PPIP5K2: variants seen among roughly 807,000 people sequenced by gnomAD.
PPIP5K2 encodes inositol hexakisphosphate and diphosphoinositol-pentakisphosphate kinase 2.
In PPIP5K2, 105 loss-of-function variants were observed where a neutral mutation model predicts 154.6. The ratio of observed to expected loss-of-function variants is 0.68; its 90% CI spans 0.58 to 0.80. The LOEUF is 0.80. PPIP5K2 is among the 30% of genes least tolerant of loss of function. PPIP5K2 has a pLI of 0.00. For missense variants in PPIP5K2, 992 were observed against 1,504.6 expected (o/e 0.66, Z 5.64); for synonymous variants, 480 against 490.3 (o/e 0.98, Z 0.28).
chr5:103,158,901 C>T (rs537940457), intron 16 of PPIP5K2, among the ~76,000 whole-genome samples: 10 of 152,084 alleles, frequency 6.6e-5, no homozygotes, highest in African/African-American at 2.4e-4. Context: ...TGCACTCTAC[C>T]GCAGGCAACA....
intron 26 of PPIP5K2, 33 bp from the exon 27 acceptor site, chr5:103,186,287 C>G (rs782010278): frequency 1.2e-6 from 2 of 1,612,438 alleles, no homozygotes; most frequent in Non-Finnish European, 1.7e-6. Flanking sequence ...GAAGAACACC[C>G]GTTGTGTATG....
At chr5:103,154,644 T>TAACA in intron 11 of PPIP5K2, 26 bp from the exon 12 acceptor site, 1 of 1,336,748 alleles carries the variant, frequency 7.5e-7, no homozygotes, top group Non-Finnish European at 1.0e-6. Context: ...TGCAAGTGAC[T>TAACA]AACAGTGTTC....
At chr5:103,160,957 C>A (rs1231731460) in intron 17 of PPIP5K2, among the ~76,000 whole-genome samples, 1 of 138,936 alleles carries the variant, frequency 7.2e-6, no homozygotes, top group African/African-American at 2.6e-5. Context: ...TCTTTTCATT[C>A]TTTTTTTTTT....
At chr5:103,174,850 A>G (rs1554220505) in intron 21 of PPIP5K2, among the ~76,000 whole-genome samples, 1 of 152,104 alleles carries the variant, frequency 6.6e-6, no homozygotes, top group Non-Finnish European at 1.5e-5. Flanking sequence ...TATGTCAGCC[A>G]TCTTTGGAAA....
intron 5 of PPIP5K2, among the ~76,000 whole-genome samples, chr5:103,140,978 G>C (rs965017740): frequency 1.1e-4 from 17 of 152,004 alleles, no homozygotes; most frequent in Admixed American, 7.2e-4. Context: ...AGATCTTACA[G>C]ATCTTTTACA....
At position 103,120,452 on chromosome 5, in the gene PPIP5K2, C is replaced by T; in HGVS notation, c.-321C>T. The T allele has an allele frequency of 2.2e-6, 1 of 456,788 alleles. No homozygotes were observed. Among genetic ancestry groups the T allele is most frequent in the South Asian group, 1.5e-5 (1 of 64,576 alleles). 28.3% of individuals were successfully genotyped at this position (456,788 alleles called of 1,614,324 possible). The stretch of plus-strand genomic sequence containing the variant: ...CCTAGACCTGAATGGGCTTGACCAT[C>T]TCACAACTGCTCGCGTGACGACCGC... On this transcript the variant is annotated 5_prime_UTR_variant, in exon 1 of 31. Transcript: ENST00000358359.
chr5:103,189,080 C>A (rs1800827560), intron 28 of PPIP5K2: 2 of 977,366 alleles, frequency 2.0e-6, no homozygotes, highest in South Asian at 1.5e-5. Flanking sequence ...CATGGACTTA[C>A]CCCTCCCTTC....
At position 103,172,632 on chromosome 5, in the gene PPIP5K2, C is replaced by T. The variant is rs79561973; in HGVS notation, c.2287-523C>T. On this transcript the variant is annotated intron_variant, in intron 19 of 30. Coordinates refer to ENST00000358359, the MANE Select transcript of PPIP5K2 (RefSeq NM_001276277.3). ...TAATTCCTTACAAATCCAATTAACT[C>T]ATAATGATTATGTCATTAAATTTGA... is the stretch of plus-strand genomic sequence containing the variant. Among the ~76,000 whole-genome samples, 827 of 151,710 alleles carry T rather than the reference C, an allele frequency of 5.5e-3. 7 individuals are homozygous for T. The highest frequency in any genetic ancestry group is 0.018 in the African/African-American group (737 of 41,482).
rs1236648325 is a variant in PPIP5K2 at position 103,202,922 on chromosome 5, T to C, written c.*1288T>C. ...TATTGTAATTCTTCAAATGAGACTC[T>C]TCTCACCTTAAATAGTCATATATTA... On this transcript the variant is annotated 3_prime_UTR_variant, in exon 31 of 31. Coordinates refer to ENST00000358359, the MANE Select transcript of PPIP5K2 (RefSeq NM_001276277.3). The C allele has an allele frequency of 6.6e-6, 1 of 152,570 alleles. No individual in the cohort carries two copies. The highest frequency in any genetic ancestry group is 1.9e-4 in the East Asian group (1 of 5,206). The allele number at this position is 152,570 out of a possible 1,614,324, so 9.5% of individuals were successfully genotyped here. A position where few individuals can be genotyped will look rare whatever the true frequency, so the allele number is the denominator to read the frequency against.
At chr5:103,174,335 A>G (rs1798394815) in intron 21 of PPIP5K2, 1 of 164,670 alleles carries the variant, frequency 6.1e-6, no homozygotes, top group Non-Finnish European at 1.3e-5. Flanking sequence ...ACTATTATCT[A>G]CTATTACGTA....
At chr5:103,149,417 A>C (rs1794253104) in intron 8 of PPIP5K2, 104 bp downstream of exon 8, 3 of 1,075,800 alleles carry the variant, frequency 2.8e-6, no homozygotes, top group Non-Finnish European at 4.0e-6. Context: ...TAAACCGAGA[A>C]AGTAATTAAT....
intron 14 of PPIP5K2, among the ~76,000 whole-genome samples, chr5:103,157,126 G>A (rs184324501): frequency 7.4e-4 from 112 of 152,034 alleles, no homozygotes; most frequent in African/African-American, 2.5e-3. Context: ...GCAGGGGAAG[G>A]GGTGATTTCC....
Position 103,151,352 on chromosome 5 carries a change from G to C in PPIP5K2, c.1006G>C (p.Asp336His). 1 of 1,608,252 alleles carries C rather than the reference G, an allele frequency of 6.2e-7. No individual in the cohort carries two copies. Among genetic ancestry groups the C allele is most frequent in the East Asian group, 2.2e-5 (1 of 44,698 alleles). The change falls in exon 9 of 31, where the codon GAT (aspartate) becomes CAT (histidine). Residue 336 changes from aspartate (D) to histidine (H), a missense_variant. Coordinates refer to ENST00000358359, the MANE Select transcript of PPIP5K2 (RefSeq NM_001276277.3). The stretch of plus-strand genomic sequence containing the variant: ...TGTGAAAAATTCCATGAAGTATTAT[G>C]ATGACTGTGCAAAAATACTTGGGTA... ...SFVKNSMKYY[D>H]DCAKILGNIV...
At chr5:103,126,636 G>A (rs544915560) in intron 1 of PPIP5K2, among the ~76,000 whole-genome samples, 90 of 152,184 alleles carry the variant, frequency 5.9e-4, no homozygotes, top group African/African-American at 2.0e-3. Flanking sequence ...AAGCCAATCC[G>A]AGTCCCAAAG....
intron 1 of PPIP5K2, among the ~76,000 whole-genome samples, chr5:103,124,235 G>A (rs948823046): frequency 1.4e-5 from 2 of 147,826 alleles, no homozygotes; most frequent in Non-Finnish European, 3.0e-5. Context: ...AGCCGAGATC[G>A]TGCCACTGCA....
chr5:103,139,056 C>T (rs1413386155), intron 5 of PPIP5K2, among the ~76,000 whole-genome samples: 1 of 152,182 alleles, frequency 6.6e-6, no homozygotes, highest in African/African-American at 2.4e-5. Context: ...TGGAACCAGT[C>T]ACCGCGTATG....
At chr5:103,162,555 G>T (rs1554216304) in intron 17 of PPIP5K2, among the ~76,000 whole-genome samples, 3 of 151,760 alleles carry the variant, frequency 2.0e-5, no homozygotes, top group African/African-American at 7.3e-5. Flanking sequence ...TAGAGACTGG[G>T]TCTCACTGTG....
At chr5:103,124,439 G>T (rs1277541225) in intron 1 of PPIP5K2, among the ~76,000 whole-genome samples, 1 of 152,028 alleles carries the variant, frequency 6.6e-6, no homozygotes, top group Non-Finnish European at 1.5e-5. Flanking sequence ...TTAGTATAAT[G>T]GCCTTTGGTT....
chr5:103,135,001 C>T (rs1791234386), intron 3 of PPIP5K2, among the ~76,000 whole-genome samples: 1 of 152,140 alleles, frequency 6.6e-6, no homozygotes, highest in South Asian at 2.1e-4. Flanking sequence ...TGTTTTAATA[C>T]TTTTTCTCTT....
Sources: gnomAD v4.1 joint callset for allele counts (sites outside exome capture counted in the v4.1 genomes callset) on GRCh38, gnomAD v4.1.1 for gene constraint, MANE v1.5 for transcripts, NCBI Gene and HGNC (gene_info 2026-07-23, HGNC 2026-07-21) for gene names.